The following DRGX variants were observed in gnomAD, a reference collection of about 807,000 sequenced individuals.
DRGX encodes dorsal root ganglia homeobox, also known as dorsal root ganglia homeobox protein.
Under a neutral mutation model 28.6 loss-of-function variants are expected in DRGX, and 21 were observed. The ratio of observed to expected loss-of-function variants is 0.73; its 90% CI spans 0.52 to 1.06. The LOEUF (loss-of-function observed/expected upper bound fraction) is 1.06. Among genes scored for constraint, DRGX ranks in the 50% least tolerant of loss-of-function variants. DRGX has a pLI of 0.00. For synonymous variants in DRGX, 136 were observed against 139.1 expected (o/e 0.98, Z 0.16); for missense variants, 354 against 343.9 (o/e 1.03, Z -0.23).
In DRGX at chr10:49,365,973, G is replaced by T; in HGVS notation, c.*143C>A. 1.0e-6 allele frequency: 1 copy of T among 972,272 alleles called. No homozygotes were observed. Among genetic ancestry groups the T allele is most frequent in the Non-Finnish European group, 1.4e-6 (1 of 707,550 alleles). 60.2% of individuals were successfully genotyped at this position (972,272 alleles called of 1,614,324 possible). On this transcript the variant is annotated 3_prime_UTR_variant, in exon 7 of 7. Transcript: ENST00000374139. ...ACGCTCCAGGTGCCAAGGGAGCTGT[G>T]GGTCTCACTTGCCCGTCCTGGGTCC...
chr10:49,386,020 A>G (rs1214763410), intron 6 of DRGX, among the ~76,000 whole-genome samples: 1 of 152,162 alleles, frequency 6.6e-6, no homozygotes, highest in Non-Finnish European at 1.5e-5. Context: ...AAGAGAGCAC[A>G]TACTGGAAAA....
Position 49,386,591 on chromosome 10 carries a change from C to T in DRGX, c.414-1G>A. On this transcript the variant is annotated splice_acceptor_variant, in intron 5 of 6. Transcript: ENST00000374139. LOFTEE classifies it high-confidence loss of function. ...TGCAGGACCTACCGTTCGCCCCAGG[C>T]TGGCAAAGGAAGGAGATCATATTGA... 1 of 1,594,080 alleles carries T rather than the reference C, an allele frequency of 6.3e-7. No homozygotes were observed. Among genetic ancestry groups the T allele is most frequent in the South Asian group, 1.1e-5 (1 of 88,176 alleles).
At chr10:49,381,719 T>C (rs1849778639) in intron 6 of DRGX, among the ~76,000 whole-genome samples, 1 of 152,206 alleles carries the variant, frequency 6.6e-6, no homozygotes, top group Non-Finnish European at 1.5e-5. Context: ...CCTCACATTC[T>C]AGCTGGGGGC....
Position 49,379,042 on chromosome 10 carries a change from T to C in DRGX, c.526+7436A>G, listed in dbSNP as rs1221114554. ...CATGACACACAAATAAAATGCTCATTGGAGTGTTTCAGATTTAGGATTTTC... is the reference window on the plus strand; with the variant it reads ...CATGACACACAAATAAAATGCTCATCGGAGTGTTTCAGATTTAGGATTTTC... On this transcript the variant is annotated intron_variant, in intron 6 of 6. Coordinates refer to ENST00000374139, the MANE Select transcript of DRGX (RefSeq NM_001276451.2). 2.0e-5 allele frequency among the ~76,000 whole-genome samples: 3 copies of C among 152,360 alleles called. No homozygotes were observed. In the East Asian group the frequency reaches 5.8e-4, roughly 29 times the overall value.
chr10:49,389,707 A>T (rs950389866), intron 4 of DRGX, among the ~76,000 whole-genome samples: 3 of 152,164 alleles, frequency 2.0e-5, no homozygotes, highest in African/African-American at 7.2e-5. Context: ...GTTGGACATG[A>T]TGCAATTTCT....
In DRGX at chr10:49,365,668, C is replaced by A; in HGVS notation, c.*448G>T. 1.3e-5 allele frequency: 2 copies of A among 154,280 alleles called. No homozygotes were observed. Among genetic ancestry groups the A allele is most frequent in the East Asian group, 1.9e-4 (1 of 5,220 alleles). 9.6% of individuals were successfully genotyped at this position (154,280 alleles called of 1,614,324 possible). On this transcript the variant is annotated 3_prime_UTR_variant, in exon 7 of 7. Transcript: ENST00000374139. Reference sequence around the variant, plus strand: ...AGAGTCGCTTGGGGTTCCACCAGTTCCCCAGTTCTTAAACACTGTAAGCGG... The same window carrying A: ...AGAGTCGCTTGGGGTTCCACCAGTTACCCAGTTCTTAAACACTGTAAGCGG...
chr10:49,375,982 C>T (rs1325813436), intron 6 of DRGX, among the ~76,000 whole-genome samples: 1 of 152,114 alleles, frequency 6.6e-6, no homozygotes, highest in Non-Finnish European at 1.5e-5. Context: ...CCATCAGCAC[C>T]CATAGGAAAT....
intron 6 of DRGX, among the ~76,000 whole-genome samples, chr10:49,367,031 TA>T (rs1193413766): frequency 6.6e-6 from 1 of 152,178 alleles, no homozygotes; most frequent in Non-Finnish European, 1.5e-5. Context: ...ATAAGGCACA[TA>T]AGCCCCTTAG....
intron 6 of DRGX, among the ~76,000 whole-genome samples, chr10:49,374,906 A>ATTTATGAG (rs1300804181): frequency 6.6e-6 from 1 of 152,226 alleles, no homozygotes; most frequent in African/African-American, 2.4e-5. Context: ...GAATACATGG[A>ATTTATGAG]TTTATGAGAC....
At chr10:49,391,016 C>T in intron 3 of DRGX, 148 bp downstream of exon 3, 1 of 913,740 alleles carries the variant, frequency 1.1e-6, no homozygotes, top group Non-Finnish European at 1.7e-6. Context: ...ATTTTGATTC[C>T]ATGGCACATA....
rs773050269 is a variant in DRGX, at chr10:49,390,154, G to A, written c.213C>T (p.Asn71=). 11 of 1,612,394 alleles carry A rather than the reference G, an allele frequency of 6.8e-6. 1 individual carries two copies. In the Admixed American group the frequency reaches 1.8e-4, roughly 27 times the overall value. ...TTACCTGCACTCTGGCTTCTGTGAG[G>A]TTTATTTTCATGGCGAGCTCTTCTC... The part of the protein sequence containing the change: ...FTREELAMKI[N]LTEARVQVWF... The change falls in exon 4 of 7, where the codon AAC becomes AAT. Residue 71 remains asparagine (N), a synonymous_variant. Transcript: ENST00000374139.
intron 6 of DRGX, among the ~76,000 whole-genome samples, chr10:49,372,008 T>C (rs1194805894): frequency 1.3e-5 from 2 of 152,152 alleles, no homozygotes; most frequent in Non-Finnish European, 2.9e-5. Context: ...CAAAATTTTC[T>C]GAAACAGCCA....
At chr10:49,392,170 C>T (rs962418328) in intron 2 of DRGX, among the ~76,000 whole-genome samples, 1 of 152,204 alleles carries the variant, frequency 6.6e-6, no homozygotes, top group African/African-American at 2.4e-5. Context: ...AGCAAGTTGC[C>T]ATTAACCAGT....
rs1322848145 is a variant in DRGX at position 49,366,007 on chromosome 10, G to T, written c.*109C>A. The stretch of plus-strand genomic sequence containing the variant: ...TTGCCCGTCCTGGGTCCATGCAGAG[G>T]CCCTGGGGCCGCAGGCTTCTCCTTG... On this transcript the variant is annotated 3_prime_UTR_variant, in exon 7 of 7. Transcript: ENST00000374139. 2.2e-6 allele frequency: 3 copies of T among 1,355,354 alleles called. No individual in the cohort carries two copies. Among genetic ancestry groups the T allele is most frequent in the East Asian group, 5.0e-5 (2 of 39,790 alleles). 84.0% of individuals were successfully genotyped at this position (1,355,354 alleles called of 1,614,324 possible). A position where few individuals can be genotyped will look rare whatever the true frequency, so the allele number is the denominator to read the frequency against.
At chr10:49,384,045 TG>T (rs370770476) in intron 6 of DRGX, among the ~76,000 whole-genome samples, 1 of 152,312 alleles carries the variant, frequency 6.6e-6, no homozygotes, top group East Asian at 1.9e-4. Flanking sequence ...GCCCTTTGAG[TG>T]GGCAAAGGTG....
chr10:49,385,726 C>A (rs1465727576), intron 6 of DRGX, among the ~76,000 whole-genome samples: 1 of 152,082 alleles, frequency 6.6e-6, no homozygotes, highest in East Asian at 1.9e-4. Context: ...CTACAGCCTG[C>A]ACCTATGCCT....
At chr10:49,375,313 T>G (rs969702284) in intron 6 of DRGX, among the ~76,000 whole-genome samples, 3 of 152,172 alleles carry the variant, frequency 2.0e-5, no homozygotes, top group Non-Finnish European at 4.4e-5. Context: ...AGAACAAAAC[T>G]GTCCCATTTT....
chr10:49,374,803 A>G (rs1849699959), intron 6 of DRGX, among the ~76,000 whole-genome samples: 1 of 152,222 alleles, frequency 6.6e-6, no homozygotes, highest in African/African-American at 2.4e-5. Context: ...TCATTAAGGT[A>G]TGTAGACTCC....
intron 6 of DRGX, among the ~76,000 whole-genome samples, chr10:49,380,311 C>T (rs777230423): frequency 2.0e-4 from 30 of 152,356 alleles, no homozygotes; most frequent in African/African-American, 6.7e-4. Context: ...GCACCTCCTC[C>T]GCTGACTGTG....
Sources: allele counts gnomAD v4.1 joint callset (sites outside exome capture counted in the v4.1 genomes callset), GRCh38; gene constraint gnomAD v4.1.1; transcripts MANE v1.5; gene names NCBI Gene and HGNC (gene_info 2026-07-23, HGNC 2026-07-21).